The following RELN variants were observed in gnomAD, a reference collection of about 807,000 sequenced individuals.
RELN encodes reelin.
A neutral mutation model predicts 427.6 loss-of-function variants in RELN; 108 were observed. The ratio of observed to expected loss-of-function variants is 0.25; its 90% CI spans 0.22 to 0.30. The LOEUF (loss-of-function observed/expected upper bound fraction) is 0.30. Among genes scored for constraint, RELN ranks in the 10% least tolerant of loss-of-function variants. RELN has a pLI of 1.00. For synonymous variants in RELN, 1,524 were observed against 1,513.4 expected (o/e 1.01, Z -0.16); for missense variants, 3,715 against 4,302.8 (o/e 0.86, Z 3.82).
At chr7:103,482,681 T>C (rs917596317) in intron 63 of RELN, 192 bp downstream of exon 63, 1 of 749,418 alleles carries the variant, frequency 1.3e-6, no homozygotes, top group African/African-American at 1.9e-5. Context: ...GTACATTACA[T>C]TTCATTCGGG....
chr7:103,845,031 G>A (rs1230546541), intron 2 of RELN, among the ~76,000 whole-genome samples: 2 of 152,138 alleles, frequency 1.3e-5, no homozygotes, highest in African/African-American at 4.8e-5. Context: ...TATTTTAACT[G>A]TACATCCAGA....
At chr7:103,677,765 CAA>C (rs60678229) in intron 11 of RELN, among the ~76,000 whole-genome samples, 2,687 of 55,770 alleles carry the variant, frequency 0.048, 13 homozygotes, top group East Asian at 0.19. Flanking sequence ...GAATCTGTCT[CAA>C]AAAAAAAAAA....
chr7:103,667,222 A>G (rs1833288792), intron 11 of RELN, among the ~76,000 whole-genome samples: 1 of 152,168 alleles, frequency 6.6e-6, no homozygotes, highest in Non-Finnish European at 1.5e-5. Context: ...ATTAGCAATG[A>G]TGGGGAACTA....
At chr7:103,764,865 G>T (rs997855848) in intron 4 of RELN, among the ~76,000 whole-genome samples, 1 of 143,258 alleles carries the variant, frequency 7.0e-6, no homozygotes, top group Non-Finnish European at 1.5e-5. Flanking sequence ...AGTGCAAAAA[G>T]AAGCCCAACC....
At chr7:103,934,015 CTTCGGTTCTTG>C (rs1308503363) in intron 1 of RELN, among the ~76,000 whole-genome samples, 1 of 152,156 alleles carries the variant, frequency 6.6e-6, no homozygotes, top group Admixed American at 6.5e-5. Context: ...AGCCAAAAAT[CTTCGGTTCTTG>C]TTCTTTAAGT....
intron 15 of RELN, 113 bp downstream of exon 15, chr7:103,651,547 GA>G: frequency 1.0e-6 from 1 of 968,994 alleles, no homozygotes; most frequent in Non-Finnish European, 1.6e-6. Context: ...CACTTTTAAA[GA>G]GGTTAGGTTT....
chr7:103,779,831 G>A (rs532169119), intron 3 of RELN, among the ~76,000 whole-genome samples: 4 of 152,208 alleles, frequency 2.6e-5, no homozygotes, highest in Non-Finnish European at 2.9e-5. Context: ...AGGTTCAAGC[G>A]ATTCTCCTGC....
chr7:103,952,518 AAC>A (rs144751365), intron 1 of RELN, among the ~76,000 whole-genome samples: 11,747 of 148,330 alleles, frequency 0.079, 602 homozygotes, highest in East Asian at 0.2. Flanking sequence ...TTAAACCTTA[AAC>A]ACACACACAC....
rs1270842437 is a variant in RELN, at chr7:103,609,193, AG to A, written c.3008+1501del. Among the ~76,000 whole-genome samples the A allele has an allele frequency of 6.1e-5, 9 of 147,304 alleles. No individual in the cohort carries two copies. In the Admixed American group the frequency reaches 6.2e-4, roughly 10 times the overall value. On this transcript the variant is annotated intron_variant, in intron 22 of 64. Transcript: ENST00000428762. ...AGCCAAGGTCGCGCCACTGCACTCC[AG>A]CCTGGGTGACAGAGCAAGACTCTGT...
intron 58 of RELN, 95 bp downstream of exon 58, chr7:103,491,856 TCA>T (rs71110838): frequency 0.02 from 5,755 of 281,316 alleles, 22 homozygotes; most frequent in Admixed American, 0.028. Flanking sequence ...TCTCTCTCTC[TCA>T]CACACACACA....
chr7:103,523,301 G>T, intron 47 of RELN, 90 bp downstream of exon 47: 1 of 1,421,024 alleles, frequency 7.0e-7, no homozygotes, highest in Non-Finnish European at 9.9e-7. Context: ...AGGAAGCATG[G>T]GAGTGATTCA....
intron 2 of RELN, among the ~76,000 whole-genome samples, chr7:103,870,493 C>A (rs912010246): frequency 1.3e-5 from 2 of 151,948 alleles, no homozygotes; most frequent in Non-Finnish European, 2.9e-5. Context: ...GTCCCTCTAA[C>A]GTGGCAAGAT....
chr7:103,602,924 C>T (rs1361955653), intron 24 of RELN, among the ~76,000 whole-genome samples: 3 of 152,138 alleles, frequency 2.0e-5, no homozygotes, highest in Non-Finnish European at 2.9e-5. Flanking sequence ...CTCATCCCCT[C>T]GTTGCCCCCA....
chr7:103,735,738 A>T (rs1250987682), intron 6 of RELN, among the ~76,000 whole-genome samples: 1 of 152,128 alleles, frequency 6.6e-6, no homozygotes, highest in African/African-American at 2.4e-5. Context: ...AGTTATCATC[A>T]AATTATCATT....
intron 38 of RELN, among the ~76,000 whole-genome samples, chr7:103,555,398 C>T (rs1830500381): frequency 1.3e-5 from 2 of 152,206 alleles, no homozygotes; most frequent in Admixed American, 1.3e-4. Flanking sequence ...TATCAGTGTT[C>T]TAATTCTAGT....
chr7:103,909,707 TATAAA>T (rs1795303147), intron 2 of RELN, among the ~76,000 whole-genome samples: 1 of 50,566 alleles, frequency 2.0e-5, no homozygotes, highest in South Asian at 6.5e-4. Context: ...ATTTAATATA[TATAAA>T]TATATATTAA....
Position 103,852,289 on chromosome 7 carries a change from A to ATT in RELN, c.338-18619_338-18618dup, listed in dbSNP as rs5886282. On this transcript the variant is annotated intron_variant, in intron 2 of 64. Coordinates refer to ENST00000428762, the MANE Select transcript of RELN (RefSeq NM_005045.4). ...TTCATACCCTCAAACAGAACAAACT[A>ATT]TTTTTTTACAACAGTCAAAGAAAAA... Among the ~76,000 whole-genome samples the ATT allele has an allele frequency of 2.3e-3, 350 of 151,918 alleles. 3 individuals are homozygous for ATT. The highest frequency in any genetic ancestry group is 7.6e-3 in the African/African-American group (314 of 41,400).
At chr7:103,873,239 C>A (rs1794394941) in intron 2 of RELN, among the ~76,000 whole-genome samples, 1 of 143,196 alleles carries the variant, frequency 7.0e-6, no homozygotes, top group Non-Finnish European at 1.5e-5. Flanking sequence ...ACTAAATGCC[C>A]ACAAGAGAAA....
At chr7:103,531,036 A>T (rs1215517776) in intron 46 of RELN, among the ~76,000 whole-genome samples, 1 of 152,214 alleles carries the variant, frequency 6.6e-6, no homozygotes, top group Non-Finnish European at 1.5e-5. Flanking sequence ...AAAACTTCTT[A>T]GTCTGAGGTT....
Sources: allele counts gnomAD v4.1 joint callset (sites outside exome capture counted in the v4.1 genomes callset), GRCh38; gene constraint gnomAD v4.1.1; transcripts MANE v1.5; gene names NCBI Gene and HGNC (gene_info 2026-07-23, HGNC 2026-07-21).